The following CFAP221 variants were observed in gnomAD, a reference collection of about 807,000 sequenced individuals.
The protein encoded by CFAP221 is cilia- and flagella-associated protein 221.
A neutral mutation model predicts 113.1 loss-of-function variants in CFAP221; 97 were observed. The ratio of observed to expected loss-of-function variants is 0.86; its 90% CI spans 0.73 to 1.02. CFAP221 has a LOEUF of 1.02. Ranked by LOEUF, CFAP221 falls within the 50% of genes least tolerant of loss-of-function variation. CFAP221 has a pLI of 0.00. For synonymous variants in CFAP221, 331 were observed against 354.4 expected (o/e 0.93, Z 0.74); for missense variants, 1,025 against 1,013.4 (o/e 1.01, Z -0.16).
chr2:119,609,532 T>C (rs1022014951), intron 12 of CFAP221, among the ~76,000 whole-genome samples: 18 of 152,192 alleles, frequency 1.2e-4, no homozygotes, highest in Admixed American at 3.9e-4. Context: ...CATATCTTCA[T>C]GTGGTCTTCC....
At position 119,625,661 on chromosome 2, in the gene CFAP221, G is replaced by A; in HGVS notation, c.1489G>A (p.Gly497Ser). ...MDKESILRKI[G>S]QAKQSIAQEA... ...CAAAGAGAGTATACTGAGAAAGATT[G>A]GCCAAGCAAAACAATCGATAGCACA... The change falls in exon 15 of 24, where the codon GGC becomes AGC. Residue 497 changes from glycine to serine, a missense_variant. Coordinates refer to ENST00000413369, the MANE Select transcript of CFAP221 (RefSeq NM_001271049.2). The A allele has an allele frequency of 1.2e-6, 2 of 1,612,708 alleles. No homozygotes were observed. The highest frequency in any genetic ancestry group is 1.7e-6 in the Non-Finnish European group (2 of 1,178,712).
Position 119,656,514 on chromosome 2 carries a change from C to T in CFAP221, c.*44C>T, listed in dbSNP as rs777863983. On this transcript the variant is annotated 3_prime_UTR_variant, in exon 24 of 24. Coordinates refer to ENST00000413369, the MANE Select transcript of CFAP221 (RefSeq NM_001271049.2). ...TCCCTTCCATTTGCTTTCCGTGGGC[C>T]ACTGTGGCCCCTTGCGTCCATTTAC... The T allele has an allele frequency of 1.4e-6, 2 of 1,384,564 alleles. No homozygotes were observed. Among genetic ancestry groups the T allele is most frequent in the Non-Finnish European group, 2.0e-6 (2 of 977,142 alleles). 85.8% of individuals were successfully genotyped at this position (1,384,564 alleles called of 1,614,324 possible).
chr2:119,633,154 A>T (rs1186561810), intron 19 of CFAP221, among the ~76,000 whole-genome samples: 4 of 152,086 alleles, frequency 2.6e-5, no homozygotes, highest in African/African-American at 9.6e-5. Context: ...TTGGATATCT[A>T]TTTACCAAAA....
intron 21 of CFAP221, among the ~76,000 whole-genome samples, chr2:119,646,184 G>A (rs1687791821): frequency 1.3e-5 from 2 of 152,136 alleles, no homozygotes; most frequent in African/African-American, 4.8e-5. Flanking sequence ...TGTCTAAGAA[G>A]GAGTATAAAG....
intron 19 of CFAP221, among the ~76,000 whole-genome samples, chr2:119,632,356 A>C (rs1421011227): frequency 6.6e-6 from 1 of 152,212 alleles, no homozygotes; most frequent in Non-Finnish European, 1.5e-5. Context: ...TTAATTTAAC[A>C]TTACAAACTC....
intron 13 of CFAP221, 128 bp downstream of exon 13, chr2:119,611,870 A>C (rs755230635): frequency 1.3e-6 from 1 of 752,754 alleles, no homozygotes. Flanking sequence ...ATTTGCATAC[A>C]TTTTCAGAAT....
rs1371288834 is a variant in CFAP221 at position 119,558,558 on chromosome 2, C to G, written c.241-1131C>G. Among the ~76,000 whole-genome samples, 4 of 152,166 alleles carry G rather than the reference C, an allele frequency of 2.6e-5. No individual in the cohort carries two copies. In the East Asian group the frequency reaches 7.7e-4, roughly 29 times the overall value. On this transcript the variant is annotated intron_variant, in intron 3 of 23. Coordinates refer to ENST00000413369, the MANE Select transcript of CFAP221 (RefSeq NM_001271049.2). ...CATGACCAGACACAGTGGCTTACAC[C>G]TGTAATCCCAGCACTTTCAGAGGCC...
At chr2:119,609,097 G>A (rs1485783678) in intron 12 of CFAP221, among the ~76,000 whole-genome samples, 1 of 152,206 alleles carries the variant, frequency 6.6e-6, no homozygotes, top group African/African-American at 2.4e-5. Context: ...CACCTGGGGT[G>A]CCAAGATAGC....
intron 7 of CFAP221, among the ~76,000 whole-genome samples, chr2:119,591,560 T>C (rs915714969): frequency 5.9e-5 from 9 of 152,252 alleles, no homozygotes; most frequent in Admixed American, 5.9e-4. Context: ...CATTGAATTC[T>C]ATAACCCTGT....
chr2:119,633,877 T>C (rs984719033), intron 19 of CFAP221, among the ~76,000 whole-genome samples: 4 of 152,154 alleles, frequency 2.6e-5, no homozygotes, highest in Admixed American at 6.5e-5. Context: ...TTGGTAGAAA[T>C]CCAAAATGGT....
chr2:119,641,435 A>G (rs1687482740), intron 21 of CFAP221, among the ~76,000 whole-genome samples: 4 of 151,818 alleles, frequency 2.6e-5, no homozygotes, highest in Admixed American at 2.0e-4. Flanking sequence ...TCAAATCTCC[A>G]GAACTGGCGG....
At chr2:119,629,797 A>G in intron 16 of CFAP221, 78 bp from the exon 17 acceptor site, 8 of 1,179,366 alleles carry the variant, frequency 6.8e-6, no homozygotes, top group Non-Finnish European at 9.9e-6. Context: ...CTAATGTTTC[A>G]AAATGTAGTG....
intron 6 of CFAP221, among the ~76,000 whole-genome samples, chr2:119,578,410 G>A (rs1295597540): frequency 1.3e-5 from 2 of 152,224 alleles, no homozygotes; most frequent in African/African-American, 4.8e-5. Context: ...TACCTTCAGA[G>A]GGGAAAGAAT....
chr2:119,648,356 T>C (rs532135065), intron 22 of CFAP221: 10 of 185,206 alleles, frequency 5.4e-5, no homozygotes, highest in Admixed American at 5.9e-5. Context: ...TTTTCCTCCA[T>C]CCAGTGTTAT....
intron 22 of CFAP221, among the ~76,000 whole-genome samples, chr2:119,651,487 A>C (rs535202115): frequency 0.034 from 1,096 of 32,076 alleles, 11 homozygotes; most frequent in African/African-American, 0.087. Context: ...AGACCACAAA[A>C]AGATCGAAAA....
At chr2:119,550,654 G>A (rs1680354599) in intron 3 of CFAP221, among the ~76,000 whole-genome samples, 1 of 152,084 alleles carries the variant, frequency 6.6e-6, no homozygotes, top group Admixed American at 6.5e-5. Flanking sequence ...ATTACTAATT[G>A]TTTATAAATG....
intron 7 of CFAP221, among the ~76,000 whole-genome samples, chr2:119,587,799 C>T (rs1008617662): frequency 3.3e-5 from 5 of 152,130 alleles, no homozygotes; most frequent in African/African-American, 1.2e-4. Context: ...TAAATTTAAA[C>T]AATTTAACAA....
intron 7 of CFAP221, 133 bp from the exon 8 acceptor site, chr2:119,601,085 T>A (rs1252775519): frequency 1.1e-6 from 1 of 904,894 alleles, no homozygotes; most frequent in Non-Finnish European, 1.5e-6. Flanking sequence ...GTGTGGATTT[T>A]CAATTGTGTG....
At chr2:119,549,669 G>A (rs1558903144) in intron 3 of CFAP221, among the ~76,000 whole-genome samples, 2 of 152,216 alleles carry the variant, frequency 1.3e-5, no homozygotes, top group East Asian at 1.9e-4. Flanking sequence ...GAAGAGGGGT[G>A]TCCCTTTCCT....
Sources: allele counts gnomAD v4.1 joint callset (sites outside exome capture counted in the v4.1 genomes callset), GRCh38; gene constraint gnomAD v4.1.1; transcripts MANE v1.5; gene names NCBI Gene and HGNC (gene_info 2026-07-23, HGNC 2026-07-21).